Variants in MINAR2 observed in about 807,000 individuals in gnomAD.
MINAR2 encodes the protein major intrinsically disordered NOTCH2-binding receptor 1-like.
In MINAR2, 21 loss-of-function variants were observed where a neutral mutation model predicts 16.1. The observed-to-expected ratio is 1.31, with a 90% CI of 0.93 to 1.88. The LOEUF (loss-of-function observed/expected upper bound fraction) is 1.88, where lower values mean the gene tolerates loss of function less well. Among genes scored for constraint, MINAR2 ranks in the 40% most tolerant of loss-of-function variants. MINAR2 has a pLI of 0.00. For missense variants in MINAR2, 259 were observed against 229.8 expected (o/e 1.13, Z -0.82); for synonymous variants, 86 against 83.0 (o/e 1.04, Z -0.20).
chr5:129,757,902 T>C (rs1758076449), intron 1 of MINAR2, among the ~76,000 whole-genome samples: 1 of 151,950 alleles, frequency 6.6e-6, no homozygotes, highest in African/African-American at 2.4e-5. Flanking sequence ...CATATTTCTC[T>C]TTTACCTTAA....
At position 129,766,646 on chromosome 5, in the gene MINAR2, A is replaced by C. The variant is rs1252849092; in HGVS notation, c.*1583A>C. The C allele has an allele frequency of 1.4e-5, 2 of 145,980 alleles. No homozygotes were observed. The highest frequency in any genetic ancestry group is 3.0e-5 in the Non-Finnish European group (2 of 66,730). 9.0% of individuals were successfully genotyped at this position (145,980 alleles called of 1,614,324 possible). On this transcript the variant is annotated 3_prime_UTR_variant, in exon 3 of 3. Transcript: ENST00000564719. Reference sequence around the variant, plus strand: ...AGTGAGACTTCCATAAAAAAAAAAAAAAAAAAAAAACAAACAAACAAACAA... The same window carrying C: ...AGTGAGACTTCCATAAAAAAAAAAACAAAAAAAAAACAAACAAACAAACAA...
chr5:129,749,544 T>G (rs1757961208), intron 1 of MINAR2, among the ~76,000 whole-genome samples: 1 of 152,130 alleles, frequency 6.6e-6, no homozygotes. Flanking sequence ...CCAGCCATCT[T>G]GTTGTTGTTG....
chr5:129,751,327 G>T (rs1040290805), intron 1 of MINAR2, among the ~76,000 whole-genome samples: 1 of 152,092 alleles, frequency 6.6e-6, no homozygotes, highest in Admixed American at 6.5e-5. Context: ...TCATGCCTCA[G>T]CCTCCTGAGT....
At chr5:129,753,620 G>C (rs771798283) in intron 1 of MINAR2, among the ~76,000 whole-genome samples, 1 of 151,918 alleles carries the variant, frequency 6.6e-6, no homozygotes, top group Admixed American at 6.6e-5. Flanking sequence ...GGACTTGCTG[G>C]CGCGCACCTG....
At chr5:129,757,886 C>T (rs765392699) in intron 1 of MINAR2, among the ~76,000 whole-genome samples, 17 of 151,714 alleles carry the variant, frequency 1.1e-4, no homozygotes, top group Non-Finnish European at 1.0e-4. Context: ...GTCTTTCTTT[C>T]TCTCTCATAT....
At chr5:129,761,025 A>T (rs1758127977) in intron 2 of MINAR2, among the ~76,000 whole-genome samples, 1 of 152,216 alleles carries the variant, frequency 6.6e-6, no homozygotes, top group Admixed American at 6.5e-5. Flanking sequence ...CTGTGCAAGG[A>T]ACTTCTCATC....
chr5:129,766,657 C>CAAAAAAAAA lies in MINAR2; in HGVS notation c.*1597_*1598insAAAAAAAAA, dbSNP rs61546560. 2.7e-5 allele frequency: 3 copies of CAAAAAAAAA among 111,670 alleles called. No homozygotes were observed. Among genetic ancestry groups the CAAAAAAAAA allele is most frequent in the African/African-American group, 4.0e-5 (1 of 24,844 alleles). 6.9% of individuals were successfully genotyped at this position (111,670 alleles called of 1,614,324 possible). On this transcript the variant is annotated 3_prime_UTR_variant, in exon 3 of 3. Coordinates refer to ENST00000564719, the MANE Select transcript of MINAR2 (RefSeq NM_001257308.2). ...CATAAAAAAAAAAAAAAAAAAAAAA[C>CAAAAAAAAA]AAACAAACAAACAAAAAAAACCCCA...
chr5:129,752,909 A>C (rs1298108973), intron 1 of MINAR2, among the ~76,000 whole-genome samples: 2 of 152,056 alleles, frequency 1.3e-5, no homozygotes, highest in Non-Finnish European at 2.9e-5. Context: ...AGAATCAAGG[A>C]GCATTCCAGA....
intron 1 of MINAR2, among the ~76,000 whole-genome samples, chr5:129,753,480 C>CAA (rs758914420): frequency 0.088 from 8,886 of 100,614 alleles, 795 homozygotes; most frequent in East Asian, 0.23. Flanking sequence ...AAGACTGTCT[C>CAA]AAAAAAAAAA....
chr5:129,748,693 C>T (rs1381117294), intron 1 of MINAR2, among the ~76,000 whole-genome samples: 4 of 152,042 alleles, frequency 2.6e-5, no homozygotes, highest in East Asian at 3.9e-4. Context: ...GAAAAACTCC[C>T]GTCCCTATCT....
intron 2 of MINAR2, among the ~76,000 whole-genome samples, chr5:129,763,270 T>C: frequency 6.6e-6 from 1 of 152,188 alleles, no homozygotes; most frequent in African/African-American, 2.4e-5. Flanking sequence ...TGAGAGAAGC[T>C]TCTGGAAACC....
chr5:129,757,447 A>C (rs1169866982), intron 1 of MINAR2, among the ~76,000 whole-genome samples: 1 of 151,856 alleles, frequency 6.6e-6, no homozygotes, highest in East Asian at 1.9e-4. Context: ...TTCTGTTGTA[A>C]ATATTTTATA....
intron 2 of MINAR2, among the ~76,000 whole-genome samples, chr5:129,760,883 G>A (rs538347521): frequency 7.2e-5 from 11 of 152,070 alleles, no homozygotes; most frequent in African/African-American, 2.7e-4. Context: ...AGGGTAAAAG[G>A]TTTATTGAAA....
At position 129,765,147 on chromosome 5, in the gene MINAR2, A is replaced by C; in HGVS notation, c.*84A>C. On this transcript the variant is annotated 3_prime_UTR_variant, in exon 3 of 3. Coordinates refer to ENST00000564719, the MANE Select transcript of MINAR2 (RefSeq NM_001257308.2). ...TGAAACCCCCCCCACCAAAATAACA[A>C]AAAAACACATGTACATGCAGTGTGA... The C allele has an allele frequency of 1.3e-6, 1 of 761,852 alleles. No homozygotes were observed. The highest frequency in any genetic ancestry group is 1.8e-6 in the Non-Finnish European group (1 of 548,192). The allele number at this position is 761,852 out of a possible 1,614,324, so 47.2% of individuals were successfully genotyped here.
At chr5:129,750,308 G>A (rs182191907) in intron 1 of MINAR2, among the ~76,000 whole-genome samples, 9 of 152,282 alleles carry the variant, frequency 5.9e-5, no homozygotes, top group African/African-American at 2.2e-4. Flanking sequence ...ACGATAGCAT[G>A]CCATGAAAGA....
intron 1 of MINAR2, among the ~76,000 whole-genome samples, chr5:129,760,125 C>T (rs1250858616): frequency 6.6e-6 from 1 of 152,090 alleles, no homozygotes; most frequent in Non-Finnish European, 1.5e-5. Flanking sequence ...AAAGAAGGCT[C>T]TTTCTCTGTA....
At chr5:129,758,586 CT>C (rs1310616845) in intron 1 of MINAR2, among the ~76,000 whole-genome samples, 4 of 151,902 alleles carry the variant, frequency 2.6e-5, no homozygotes, top group East Asian at 3.9e-4. Flanking sequence ...AGAGTGTGTA[CT>C]TTTTTTCTTG....
Position 129,760,394 on chromosome 5 carries a change from T to A in MINAR2, c.182T>A (p.Ile61Asn). 1.3e-6 allele frequency: 2 copies of A among 1,535,594 alleles called. No homozygotes were observed. The highest frequency in any genetic ancestry group is 1.7e-4 in the Middle Eastern group (1 of 5,972). ...LVYSQREKKN[I>N]AAQRIRGSSA... ...GCCTCTTAGAGGGAAAAGAAGAATA[T>A]TGCTGCTCAACGAATTAGGGGATCC... Residue 61 changes from isoleucine (I) to asparagine (N), a missense_variant, in exon 2 of 3, where the codon ATT becomes AAT. By Grantham distance (149) the Ile-to-Asn change is moderately radical (BLOSUM62 -3). Transcript: ENST00000564719.
At chr5:129,762,134 A>G (rs1413046861) in intron 2 of MINAR2, among the ~76,000 whole-genome samples, 1 of 152,140 alleles carries the variant, frequency 6.6e-6, no homozygotes, top group Non-Finnish European at 1.5e-5. Context: ...TAACTATGTA[A>G]CAAACCTGCA....
Sources: allele counts gnomAD v4.1 joint callset (sites outside exome capture counted in the v4.1 genomes callset), GRCh38; gene constraint gnomAD v4.1.1; transcripts MANE v1.5; gene names NCBI Gene and HGNC (gene_info 2026-07-23, HGNC 2026-07-21).